Variants in FAM13A observed in about 807,000 individuals in gnomAD.
FAM13A encodes family with sequence similarity 13 member A, also known as protein FAM13A.
FAM13A carries 76 observed loss-of-function variants against 129.6 expected under a neutral mutation model. The ratio of observed to expected loss-of-function variants is 0.59; its 90% CI spans 0.49 to 0.71. The LOEUF (loss-of-function observed/expected upper bound fraction) is 0.71, where lower values mean the gene tolerates loss of function less well. FAM13A is among the 30% of genes least tolerant of loss of function. The probability of loss-of-function intolerance (pLI) is 0.00; values close to 1 mark genes in which losing one functional copy is unlikely to be tolerated. For missense variants in FAM13A, 1,108 were observed against 1,249.3 expected, an observed-to-expected ratio of 0.89 and a Z score of 1.70; for synonymous variants, 443 against 449.9, an observed-to-expected ratio of 0.98 and a Z score of 0.20.
intron 7 of FAM13A, among the ~76,000 whole-genome samples, chr4:88,849,240 A>C (rs1737157029): frequency 6.6e-6 from 1 of 152,182 alleles, no homozygotes; most frequent in Non-Finnish European, 1.5e-5. Context: ...ATATAACTAG[A>C]TTTCAATAAA....
chr4:88,755,043 C>A (rs1397683747), intron 14 of FAM13A, among the ~76,000 whole-genome samples: 7 of 152,140 alleles, frequency 4.6e-5, no homozygotes, highest in Non-Finnish European at 8.8e-5. Flanking sequence ...TCATTAACGC[C>A]CCGTCAAAGT....
At chr4:88,989,666 T>G (rs1198034015) in intron 4 of FAM13A, 1 of 152,216 alleles carries the variant, frequency 6.6e-6, no homozygotes, top group African/African-American at 2.4e-5. Context: ...ATAGAAAAAC[T>G]GTAAAACCAT....
chr4:88,918,016 T>C (rs1222392330), intron 5 of FAM13A, among the ~76,000 whole-genome samples: 1 of 152,222 alleles, frequency 6.6e-6, no homozygotes, highest in Non-Finnish European at 1.5e-5. Flanking sequence ...TCACACTGCC[T>C]GCTGCCCAGA....
At chr4:88,951,860 G>C (rs899428093) in intron 4 of FAM13A, among the ~76,000 whole-genome samples, 6 of 152,056 alleles carry the variant, frequency 3.9e-5, no homozygotes, top group South Asian at 2.1e-4. Context: ...TATCTTAAGG[G>C]CAGGGAGTCT....
At chr4:88,775,684 A>T (rs1222721539) in intron 11 of FAM13A, among the ~76,000 whole-genome samples, 1 of 152,164 alleles carries the variant, frequency 6.6e-6, no homozygotes, top group Non-Finnish European at 1.5e-5. Flanking sequence ...TCCAGGCTGG[A>T]TGACAGAGTT....
chr4:88,896,278 G>A (rs1360541038), intron 6 of FAM13A, among the ~76,000 whole-genome samples: 1 of 143,454 alleles, frequency 7.0e-6, no homozygotes, highest in African/African-American at 2.5e-5. Flanking sequence ...TGTGGGGTTG[G>A]GGGAGGGGGG....
At position 89,057,113 on chromosome 4, in the gene FAM13A, C is replaced by G; in HGVS notation, c.-149G>C. Reference sequence around the variant, plus strand: ...CCCCAAGGTAAGCGAAGAGCAGCTTCTAACATTTTAGGAAGAGTGGTTTTG... The same window carrying G: ...CCCCAAGGTAAGCGAAGAGCAGCTTGTAACATTTTAGGAAGAGTGGTTTTG... On this transcript the variant is annotated 5_prime_UTR_variant, in exon 1 of 24. Transcript: ENST00000264344. 1 of 1,462,152 alleles carries G rather than the reference C, an allele frequency of 6.8e-7. No homozygotes were observed. Among genetic ancestry groups the G allele is most frequent in the African/African-American group, 1.4e-5 (1 of 70,058 alleles). 90.6% of individuals were successfully genotyped at this position (1,462,152 alleles called of 1,614,324 possible).
chr4:88,781,781 A>G (rs1722915041), intron 10 of FAM13A, among the ~76,000 whole-genome samples: 1 of 151,588 alleles, frequency 6.6e-6, no homozygotes, highest in African/African-American at 2.4e-5. Flanking sequence ...AGAAATGTGT[A>G]TTGAACAATG....
At chr4:88,924,788 T>C (rs1165396630) in intron 5 of FAM13A, among the ~76,000 whole-genome samples, 3 of 149,378 alleles carry the variant, frequency 2.0e-5, no homozygotes, top group South Asian at 2.1e-4. Context: ...TGGGAGAAAA[T>C]TTTTGCAACC....
intron 7 of FAM13A, among the ~76,000 whole-genome samples, chr4:88,835,967 C>G (rs1242539301): frequency 6.6e-6 from 1 of 152,068 alleles, no homozygotes; most frequent in South Asian, 2.1e-4. Context: ...AACACTTCCT[C>G]CTTGAAGCAT....
intron 1 of FAM13A, among the ~76,000 whole-genome samples, chr4:89,051,844 A>T (rs1168155006): frequency 3.3e-5 from 5 of 152,228 alleles, no homozygotes. Context: ...TTAAGGCTCA[A>T]GAATAATCCT....
At chr4:88,751,339 C>T (rs531980384) in intron 14 of FAM13A, among the ~76,000 whole-genome samples, 3 of 152,208 alleles carry the variant, frequency 2.0e-5, no homozygotes, top group South Asian at 2.1e-4. Flanking sequence ...ACCAAACAAC[C>T]GAGGAGTCAA....
chr4:88,779,853 A>G (rs1722519053), intron 11 of FAM13A, among the ~76,000 whole-genome samples: 1 of 152,214 alleles, frequency 6.6e-6, no homozygotes. Context: ...GAATGTAAAA[A>G]GGGATTCAAA....
In FAM13A at chr4:88,747,814, G is replaced by T. The variant is rs557450067; in HGVS notation, c.2199C>A (p.Pro733=). ...GTGTGTTGCTTCGCTGCCGCATCCT[G>T]GGAGTTAGGTCCTCTTCAGATATCT... ...KLKISEEDLT[P]RMRQRSNTLP... Residue 733 remains proline (P), a synonymous_variant, in exon 18 of 24, where the codon CCC becomes CCA. Transcript: ENST00000264344. The T allele has an allele frequency of 6.2e-7, 1 of 1,613,988 alleles. No individual in the cohort carries two copies. Among genetic ancestry groups the T allele is most frequent in the African/African-American group, 1.3e-5 (1 of 75,026 alleles).
chr4:88,748,802 G>A lies in FAM13A; in HGVS notation c.2161+150C>T, dbSNP rs955907554. ...GTGACTGAGACCATGTGAAGACCTG[G>A]GGAAGTGGTCACTCTGAATAGCTGA... On this transcript the variant is annotated intron_variant, in intron 17 of 23. Coordinates refer to ENST00000264344, the MANE Select transcript of FAM13A (RefSeq NM_014883.4). 8.6e-6 allele frequency: 6 copies of A among 698,128 alleles called. No homozygotes were observed. The African/African-American group carries it at 8.8e-5, about 10-fold the overall frequency. 43.2% of individuals were successfully genotyped at this position (698,128 alleles called of 1,614,324 possible). A position where few individuals can be genotyped will look rare whatever the true frequency, so the allele number is the denominator to read the frequency against.
chr4:88,949,711 G>A (rs1756619673), intron 4 of FAM13A, among the ~76,000 whole-genome samples: 1 of 152,174 alleles, frequency 6.6e-6, no homozygotes, highest in Non-Finnish European at 1.5e-5. Context: ...TTCCAGAACT[G>A]TTTTTGTACC....
At chr4:88,957,528 A>G (rs1757945504) in intron 4 of FAM13A, among the ~76,000 whole-genome samples, 1 of 152,204 alleles carries the variant, frequency 6.6e-6, no homozygotes, top group Non-Finnish European at 1.5e-5. Context: ...CTTTATAGCA[A>G]TGCAAGAACA....
chr4:88,888,930 C>G (rs1419867599), intron 6 of FAM13A, among the ~76,000 whole-genome samples: 1 of 140,678 alleles, frequency 7.1e-6, no homozygotes, highest in Non-Finnish European at 1.5e-5. Context: ...AGCGAGACTC[C>G]GTCTCCAAAA....
chr4:89,036,689 C>T (rs1482166197), intron 1 of FAM13A, among the ~76,000 whole-genome samples: 1 of 152,202 alleles, frequency 6.6e-6, no homozygotes, highest in Non-Finnish European at 1.5e-5. Context: ...CCTCCCATCA[C>T]AGGGCTGGAG....
Sources: allele counts gnomAD v4.1 joint callset (sites outside exome capture counted in the v4.1 genomes callset), GRCh38; gene constraint gnomAD v4.1.1; transcripts MANE v1.5; gene names NCBI Gene and HGNC (gene_info 2026-07-23, HGNC 2026-07-21).